Variants in NT5DC1 observed in about 807,000 individuals in gnomAD.
NT5DC1 encodes the protein 5'-nucleotidase domain-containing protein 1.
NT5DC1 carries 42 observed loss-of-function variants against 59.4 expected under a neutral mutation model. That is an observed-to-expected ratio of 0.71 (90% CI 0.55 to 0.92). NT5DC1 has a LOEUF of 0.92. Among genes scored for constraint, NT5DC1 ranks in the 40% least tolerant of loss-of-function variants. NT5DC1 has a pLI of 0.00. For synonymous variants in NT5DC1, 172 were observed against 188.1 expected (o/e 0.91, Z 0.70); for missense variants, 501 against 537.1 (o/e 0.93, Z 0.66).
At chr6:116,172,317 C>CTTTTTTTTT in intron 6 of NT5DC1, among the ~76,000 whole-genome samples, 1 of 108,026 alleles carries the variant, frequency 9.3e-6, no homozygotes, top group Non-Finnish European at 1.8e-5. Context: ...CCCTTAGTAA[C>CTTTTTTTTT]TTTTTTTTTT....
chr6:116,184,287 T>C (rs1322781566), intron 6 of NT5DC1, among the ~76,000 whole-genome samples: 1 of 152,100 alleles, frequency 6.6e-6, no homozygotes, highest in East Asian at 1.9e-4. Context: ...TGACATGCTG[T>C]TGGATTCAGT....
intron 6 of NT5DC1, among the ~76,000 whole-genome samples, chr6:116,165,421 A>T (rs1468200669): frequency 6.6e-6 from 1 of 152,192 alleles, no homozygotes; most frequent in African/African-American, 2.4e-5. Flanking sequence ...CTTTCTACCA[A>T]TATGTTTTCC....
At chr6:116,129,586 A>G (rs978728972) in intron 6 of NT5DC1, among the ~76,000 whole-genome samples, 2 of 152,192 alleles carry the variant, frequency 1.3e-5, no homozygotes, top group African/African-American at 4.8e-5. Context: ...GCCTTCTGCC[A>G]TGCGATACTA....
Position 116,247,569 on chromosome 6 carries a change from T to C in NT5DC1, c.*3545T>C, listed in dbSNP as rs1410827910. On this transcript the variant is annotated 3_prime_UTR_variant, in exon 12 of 12. Coordinates refer to ENST00000319550, the MANE Select transcript of NT5DC1 (RefSeq NM_152729.3). ...TGGGCCTATAGAGAAGTTGGGTCATTACTTAGAATGACAACTGGAAAAGTA... is the reference window on the plus strand; with the variant it reads ...TGGGCCTATAGAGAAGTTGGGTCATCACTTAGAATGACAACTGGAAAAGTA... The C allele has an allele frequency of 6.6e-6, 1 of 152,194 alleles. No homozygotes were observed. The highest frequency in any genetic ancestry group is 1.5e-5 in the Non-Finnish European group (1 of 68,020). 9.4% of individuals were successfully genotyped at this position (152,194 alleles called of 1,614,324 possible). A position where few individuals can be genotyped will look rare whatever the true frequency, so the allele number is the denominator to read the frequency against.
chr6:116,159,718 C>A (rs1248568378), intron 6 of NT5DC1, among the ~76,000 whole-genome samples: 3 of 152,104 alleles, frequency 2.0e-5, no homozygotes, highest in African/African-American at 7.2e-5. Context: ...TTCTAGTGAA[C>A]CCATTACCCA....
intron 8 of NT5DC1, among the ~76,000 whole-genome samples, chr6:116,226,460 A>G (rs1008899190): frequency 6.6e-6 from 1 of 152,042 alleles, no homozygotes; most frequent in African/African-American, 2.4e-5. Flanking sequence ...TATGCTGACA[A>G]TTTACAGCAT....
intron 1 of NT5DC1, among the ~76,000 whole-genome samples, chr6:116,102,041 G>C (rs1450199420): frequency 6.6e-6 from 1 of 152,232 alleles, no homozygotes; most frequent in African/African-American, 2.4e-5. Context: ...TACCTCACAA[G>C]ATTGTTGCAA....
chr6:116,209,155 A>G (rs1174527498), intron 6 of NT5DC1, among the ~76,000 whole-genome samples: 2 of 152,058 alleles, frequency 1.3e-5, no homozygotes, highest in African/African-American at 4.8e-5. Context: ...TAGTTATTAA[A>G]TACTACATAT....
At chr6:116,230,227 CA>C (rs1173366091) in intron 8 of NT5DC1, among the ~76,000 whole-genome samples, 1 of 152,104 alleles carries the variant, frequency 6.6e-6, no homozygotes, top group Non-Finnish European at 1.5e-5. Context: ...TAAAATTTCC[CA>C]CATCTTTTTT....
At chr6:116,194,574 G>T (rs1376384725) in intron 6 of NT5DC1, among the ~76,000 whole-genome samples, 3 of 151,946 alleles carry the variant, frequency 2.0e-5, no homozygotes, top group Admixed American at 2.0e-4. Context: ...GCAGTGGCCA[G>T]TAAAAGAATA....
At chr6:116,139,821 T>C (rs186181532) in intron 6 of NT5DC1, among the ~76,000 whole-genome samples, 3 of 152,304 alleles carry the variant, frequency 2.0e-5, no homozygotes, top group Non-Finnish European at 4.4e-5. Flanking sequence ...GCCATTTGTA[T>C]AAAAGTTGTG....
intron 6 of NT5DC1, among the ~76,000 whole-genome samples, chr6:116,198,324 A>AT (rs1781278260): frequency 6.6e-6 from 1 of 152,098 alleles, no homozygotes; most frequent in Non-Finnish European, 1.5e-5. Flanking sequence ...GATGGCTTAT[A>AT]TGGAGATAGG....
chr6:116,174,216 T>C (rs1215792381), intron 6 of NT5DC1, among the ~76,000 whole-genome samples: 1 of 152,202 alleles, frequency 6.6e-6, no homozygotes, highest in Non-Finnish European at 1.5e-5. Context: ...GTTACTCTTA[T>C]TCCCCTTTGC....
intron 6 of NT5DC1, among the ~76,000 whole-genome samples, chr6:116,193,169 G>A (rs1781154439): frequency 6.6e-6 from 1 of 151,942 alleles, no homozygotes; most frequent in East Asian, 1.9e-4. Context: ...TTGTGTAATG[G>A]CCTTTTAGTT....
Position 116,245,882 on chromosome 6 carries a change from C to A in NT5DC1, c.*1858C>A, listed in dbSNP as rs749762641. 6.6e-6 allele frequency: 1 copy of A among 151,996 alleles called. No individual in the cohort carries two copies. The highest frequency in any genetic ancestry group is 1.5e-5 in the Non-Finnish European group (1 of 67,964). The allele number at this position is 151,996 out of a possible 1,614,324, so 9.4% of individuals were successfully genotyped here. On this transcript the variant is annotated 3_prime_UTR_variant, in exon 12 of 12. Coordinates refer to ENST00000319550, the MANE Select transcript of NT5DC1 (RefSeq NM_152729.3). ...TTCCCTTTATCATTCCACCTAAAGA[C>A]CCTGAACAAGTTACCACCAAATTTG...
chr6:116,141,413 AT>A (rs1779760235), intron 6 of NT5DC1, among the ~76,000 whole-genome samples: 1 of 152,084 alleles, frequency 6.6e-6, no homozygotes, highest in Admixed American at 6.6e-5. Flanking sequence ...GTTAACTTCT[AT>A]CTAAGAAAGA....
intron 6 of NT5DC1, among the ~76,000 whole-genome samples, chr6:116,204,629 A>T (rs1324843699): frequency 6.6e-6 from 1 of 151,984 alleles, no homozygotes; most frequent in Non-Finnish European, 1.5e-5. Flanking sequence ...AGCCCTAAAG[A>T]AGTACTCATA....
intron 6 of NT5DC1, among the ~76,000 whole-genome samples, chr6:116,188,120 G>A (rs185248996): frequency 6.6e-6 from 1 of 152,160 alleles, no homozygotes; most frequent in African/African-American, 2.4e-5. Context: ...AGTCATGAGA[G>A]TGCTAATTAA....
At chr6:116,229,811 C>A (rs968096967) in intron 8 of NT5DC1, among the ~76,000 whole-genome samples, 3 of 152,124 alleles carry the variant, frequency 2.0e-5, no homozygotes, top group Non-Finnish European at 2.9e-5. Flanking sequence ...CTCTCTGTCT[C>A]GTCCCTTGGC....
Sources: gnomAD v4.1 joint callset for allele counts (sites outside exome capture counted in the v4.1 genomes callset) on GRCh38, gnomAD v4.1.1 for gene constraint, MANE v1.5 for transcripts, NCBI Gene and HGNC (gene_info 2026-07-23, HGNC 2026-07-21) for gene names.